CSNK2A2IP: variants seen among roughly 807,000 people sequenced by gnomAD.
The protein encoded by CSNK2A2IP is casein kinase 2 subunit alpha' interacting protein, also known as casein kinase II subunit alpha'-interacting protein.
At chr3:88,456,044 C>T in the CSNK2A2IP span, among the ~76,000 whole-genome samples, 1 of 151,958 alleles carries the variant, frequency 6.6e-6, no homozygotes, top group East Asian at 1.9e-4. Flanking sequence ...GCTTTCCAAT[C>T]TGTTCCATTA....
the CSNK2A2IP span, among the ~76,000 whole-genome samples, chr3:88,432,636 T>C: frequency 6.6e-6 from 1 of 151,448 alleles, no homozygotes; most frequent in African/African-American, 2.4e-5. Flanking sequence ...TACAACAAAA[T>C]AGCTATAAAA....
the CSNK2A2IP span, among the ~76,000 whole-genome samples, chr3:88,372,446 T>G: frequency 6.6e-6 from 1 of 151,482 alleles, no homozygotes. Flanking sequence ...ATTTAAAGAT[T>G]AGTGTTAATA....
the CSNK2A2IP span, among the ~76,000 whole-genome samples, chr3:88,358,687 C>A: frequency 6.6e-6 from 1 of 152,078 alleles, no homozygotes; most frequent in Admixed American, 6.5e-5. Context: ...TGTGATGAAT[C>A]CCACTTGATG....
At chr3:88,414,625 T>C in the CSNK2A2IP span, among the ~76,000 whole-genome samples, 1 of 151,944 alleles carries the variant, frequency 6.6e-6, no homozygotes. Flanking sequence ...CAGAACATTA[T>C]AGATTCCAGG....
chr3:88,348,585 A>G, the CSNK2A2IP span, among the ~76,000 whole-genome samples: 6 of 152,118 alleles, frequency 3.9e-5, no homozygotes, highest in South Asian at 2.1e-4. Context: ...CTTAACAGAT[A>G]TATCTAAAGA....
At chr3:88,421,911 C>T in the CSNK2A2IP span, among the ~76,000 whole-genome samples, 16 of 152,206 alleles carry the variant, frequency 1.1e-4, no homozygotes, top group Admixed American at 3.3e-4. Flanking sequence ...AGGGTCTACA[C>T]GCTTTTGGAA....
chr3:88,442,453 A>G, the CSNK2A2IP span, among the ~76,000 whole-genome samples: 1 of 152,214 alleles, frequency 6.6e-6, no homozygotes, highest in Non-Finnish European at 1.5e-5. Context: ...AAACAAAAAT[A>G]GACTGAATAG....
the CSNK2A2IP span, among the ~76,000 whole-genome samples, chr3:88,362,412 G>C: frequency 6.6e-6 from 1 of 152,112 alleles, no homozygotes; most frequent in African/African-American, 2.4e-5. Flanking sequence ...AGAATTCCTT[G>C]GATTTCCAGG....
chr3:88,362,550 G>C, the CSNK2A2IP span, among the ~76,000 whole-genome samples: 1 of 152,188 alleles, frequency 6.6e-6, no homozygotes, highest in African/African-American at 2.4e-5. Flanking sequence ...ACTCCACACT[G>C]ATACATAATG....
the CSNK2A2IP span, among the ~76,000 whole-genome samples, chr3:88,368,636 T>A: frequency 6.6e-6 from 1 of 152,086 alleles, no homozygotes; most frequent in African/African-American, 2.4e-5. Context: ...TAGGATACTT[T>A]TTCACTCATA....
the CSNK2A2IP span, among the ~76,000 whole-genome samples, chr3:88,414,364 C>A: frequency 1.4e-5 from 2 of 140,204 alleles, no homozygotes; most frequent in Non-Finnish European, 3.0e-5. Context: ...CTCACTGTAA[C>A]CTCCGCCTCC....
the CSNK2A2IP span, among the ~76,000 whole-genome samples, chr3:88,353,103 C>T: frequency 2.0e-5 from 3 of 152,132 alleles, no homozygotes; most frequent in East Asian, 1.9e-4. Context: ...TACTGCTTTG[C>T]GTATCATACT....
At chr3:88,342,500 G>T in the CSNK2A2IP span, among the ~76,000 whole-genome samples, 3 of 151,906 alleles carry the variant, frequency 2.0e-5, no homozygotes, top group African/African-American at 7.2e-5. Flanking sequence ...TCCACCATGT[G>T]GCTGTTGCTG....
chr3:88,363,729 C>A, the CSNK2A2IP span, among the ~76,000 whole-genome samples: 6 of 152,098 alleles, frequency 3.9e-5, no homozygotes, highest in Admixed American at 6.6e-5. Flanking sequence ...TTCTGGTTTT[C>A]CTTTTATGAC....
the CSNK2A2IP span, among the ~76,000 whole-genome samples, chr3:88,404,202 A>T: frequency 2.0e-5 from 3 of 152,258 alleles, no homozygotes; most frequent in South Asian, 6.2e-4. Context: ...TGTCCAGGAA[A>T]GGTGTGGGGC....
the CSNK2A2IP span, among the ~76,000 whole-genome samples, chr3:88,403,463 A>T: frequency 6.6e-6 from 1 of 152,138 alleles, no homozygotes; most frequent in South Asian, 2.1e-4. Flanking sequence ...ATACCAAGGG[A>T]TTGTAATGGG....
chr3:88,339,454 CAT>C, the CSNK2A2IP span, among the ~76,000 whole-genome samples: 1 of 151,994 alleles, frequency 6.6e-6, no homozygotes, highest in African/African-American at 2.4e-5. Context: ...CTGATGAACA[CAT>C]AGGTTGTTTC....
chr3:88,410,169 C>T, the CSNK2A2IP span, among the ~76,000 whole-genome samples: 1 of 151,920 alleles, frequency 6.6e-6, no homozygotes, highest in African/African-American at 2.4e-5. Context: ...TCACTGAGCT[C>T]AAAAAGAAGG....
At chr3:88,342,387 T>C in the CSNK2A2IP span, among the ~76,000 whole-genome samples, 1 of 151,998 alleles carries the variant, frequency 6.6e-6, no homozygotes, top group Non-Finnish European at 1.5e-5. Flanking sequence ...GTTTGAACCA[T>C]GTTCAAATAA....
Sources: allele counts gnomAD v4.1 joint callset (sites outside exome capture counted in the v4.1 genomes callset), GRCh38; gene constraint gnomAD v4.1.1; transcripts MANE v1.5; gene names NCBI Gene and HGNC (gene_info 2026-07-23, HGNC 2026-07-21).